CLASP1: variants seen among roughly 807,000 people sequenced by gnomAD.
The protein encoded by CLASP1 is cytoplasmic linker associated protein 1.
Under a neutral mutation model 192.3 loss-of-function variants are expected in CLASP1, and 38 were observed. That is an observed-to-expected ratio of 0.20 (90% confidence interval 0.15 to 0.26). The LOEUF (loss-of-function observed/expected upper bound fraction) is 0.26, where lower values mean the gene tolerates loss of function less well. Ranked by LOEUF, CLASP1 falls within the 10% of genes least tolerant of loss-of-function variation. CLASP1 has a pLI of 1.00. For synonymous variants in CLASP1, 691 were observed against 712.8 expected (o/e 0.97, Z 0.49); for missense variants, 1,433 against 1,932.5 (o/e 0.74, Z 4.85).
chr2:121,455,497 TTAAGACAACAC>T (rs1264805221), intron 14 of CLASP1, among the ~76,000 whole-genome samples: 1 of 152,216 alleles, frequency 6.6e-6, no homozygotes, highest in African/African-American at 2.4e-5. Flanking sequence ...ATCTTGTCAT[TTAAGACAACAC>T]AGATAAACCT....
chr2:121,364,629 T>A (rs1431431287), intron 36 of CLASP1: 1 of 165,182 alleles, frequency 6.1e-6, no homozygotes, highest in Non-Finnish European at 1.3e-5. Context: ...ACTTGACTGA[T>A]TAAAATTATT....
At chr2:121,417,638 T>C (rs72829000) in intron 23 of CLASP1, among the ~76,000 whole-genome samples, 134 of 152,352 alleles carry the variant, frequency 8.8e-4, no homozygotes, top group Non-Finnish European at 1.5e-3. Flanking sequence ...AGCAGGGCTT[T>C]GGCATCTGGT....
exon 40 of CLASP1, chr2:121,339,170 C>CACACA (rs540674850): frequency 2.0e-5 from 3 of 152,734 alleles, no homozygotes; most frequent in African/African-American, 7.3e-5. Context: ...CACACACACA[C>CACACA]GTCAGCACCC....
exon 36 of CLASP1, chr2:121,365,175 C>T (rs770245070): frequency 1.5e-5 from 24 of 1,613,892 alleles, no homozygotes; most frequent in Admixed American, 5.0e-5. Flanking sequence ...TGTCTTCCCG[C>T]GTGATCTTGA....
At chr2:121,574,780 T>C (rs2060337928) in intron 2 of CLASP1, among the ~76,000 whole-genome samples, 1 of 151,328 alleles carries the variant, frequency 6.6e-6, no homozygotes, top group African/African-American at 2.4e-5. Context: ...CTACTAGAAA[T>C]ACAAAAACTA....
intron 2 of CLASP1, among the ~76,000 whole-genome samples, chr2:121,533,193 A>C (rs923333208): frequency 1.3e-5 from 2 of 152,210 alleles, no homozygotes; most frequent in Non-Finnish European, 2.9e-5. Flanking sequence ...CTCCCGAAGA[A>C]GACTGAGTGG....
At chr2:121,417,824 G>A (rs925371710) in intron 23 of CLASP1, among the ~76,000 whole-genome samples, 9 of 152,254 alleles carry the variant, frequency 5.9e-5, no homozygotes, top group South Asian at 2.1e-4. Flanking sequence ...TCCCTCTTTC[G>A]TAGTGGCATG....
chr2:121,424,844 T>C (rs1347932122), intron 22 of CLASP1, among the ~76,000 whole-genome samples: 1 of 152,184 alleles, frequency 6.6e-6, no homozygotes, highest in Non-Finnish European at 1.5e-5. Context: ...CTGCTTCTAA[T>C]TGTGGGGGAA....
chr2:121,469,866 G>A (rs575840414), exon 9 of CLASP1: 4 of 1,613,788 alleles, frequency 2.5e-6, no homozygotes, highest in Middle Eastern at 3.3e-4. Flanking sequence ...CCATTCCAAC[G>A]TTTCTCCGAG....
intron 12 of CLASP1, among the ~76,000 whole-genome samples, chr2:121,459,278 T>C (rs1173776073): frequency 6.6e-6 from 1 of 152,128 alleles, no homozygotes; most frequent in Non-Finnish European, 1.5e-5. Context: ...TCCTCCCACT[T>C]TGGCTTTCCA....
At chr2:121,631,406 G>T (rs1349003649) in intron 1 of CLASP1, among the ~76,000 whole-genome samples, 2 of 147,622 alleles carry the variant, frequency 1.4e-5, no homozygotes, top group South Asian at 4.3e-4. Flanking sequence ...TCCTGCCTCA[G>T]CCTCCCGAAT....
chr2:121,381,455 C>T (rs1319477997), intron 33 of CLASP1, among the ~76,000 whole-genome samples: 2 of 152,046 alleles, frequency 1.3e-5, no homozygotes, highest in African/African-American at 4.8e-5. Flanking sequence ...AAAAAGCATC[C>T]CCAAGAGACC....
At chr2:121,528,747 G>A in exon 4 of CLASP1, 1 of 1,613,940 alleles carries the variant, frequency 6.2e-7, no homozygotes, top group Non-Finnish European at 8.5e-7. Flanking sequence ...AGAGTCTTTA[G>A]CATCTCCTAG....
At chr2:121,467,607 G>A (rs934758589) in intron 9 of CLASP1, among the ~76,000 whole-genome samples, 3 of 151,904 alleles carry the variant, frequency 2.0e-5, no homozygotes, top group Non-Finnish European at 4.4e-5. Flanking sequence ...TCCTCTTTTC[G>A]TAACTGTCTG....
intron 2 of CLASP1, among the ~76,000 whole-genome samples, chr2:121,590,594 CTGAG>C (rs2062274014): frequency 1.3e-5 from 2 of 152,118 alleles, no homozygotes; most frequent in Admixed American, 6.6e-5. Flanking sequence ...GGGCAAAAGA[CTGAG>C]TGATTTTAAT....
In CLASP1 at chr2:121,531,043, C is replaced by T. The variant is rs111357958; in HGVS notation, c.196-718G>A. On this transcript the variant is annotated intron_variant, in intron 2 of 39. Transcript: ENST00000263710. Reference sequence around the variant, plus strand: ...GTTTTCATAGACTTATCAGTTCAAACAGCAGTAATTCGTAAATAAACTAGT... The same window carrying T: ...GTTTTCATAGACTTATCAGTTCAAATAGCAGTAATTCGTAAATAAACTAGT... 760 of 698,950 alleles carry T rather than the reference C, an allele frequency of 1.1e-3. 3 individuals are homozygous for T. The highest frequency in any genetic ancestry group is 8.3e-3 in the African/African-American group (476 of 57,256). The allele number at this position is 698,950 out of a possible 1,614,324, so 43.3% of individuals were successfully genotyped here. A position where few individuals can be genotyped will look rare whatever the true frequency, so the allele number is the denominator to read the frequency against.
chr2:121,479,215 AG>A (rs2092387210), intron 8 of CLASP1, among the ~76,000 whole-genome samples: 1 of 152,128 alleles, frequency 6.6e-6, no homozygotes, highest in South Asian at 2.1e-4. Flanking sequence ...AAAAAAAAAA[AG>A]CATGCAGACT....
At chr2:121,355,405 C>T (rs2065207983) in intron 37 of CLASP1, among the ~76,000 whole-genome samples, 2 of 152,076 alleles carry the variant, frequency 1.3e-5, no homozygotes, top group Admixed American at 6.6e-5. Context: ...TTGGGATTAC[C>T]GGTGTGAGCC....
chr2:121,522,162 G>A (rs1290121936), intron 6 of CLASP1, among the ~76,000 whole-genome samples: 6 of 152,042 alleles, frequency 3.9e-5, no homozygotes, highest in South Asian at 2.1e-4. Context: ...ATATATGTGC[G>A]GACAAAACAT....
Sources: gnomAD v4.1 joint callset for allele counts (sites outside exome capture counted in the v4.1 genomes callset) on GRCh38, gnomAD v4.1.1 for gene constraint, MANE v1.5 for transcripts, NCBI Gene and HGNC (gene_info 2026-07-23, HGNC 2026-07-21) for gene names.